The following PCDHA7 variants were observed in gnomAD, a reference collection of about 807,000 sequenced individuals.
PCDHA7 encodes protocadherin alpha-7.
PCDHA7 carries 37 observed loss-of-function variants against 57.2 expected under a neutral mutation model. The observed-to-expected ratio is 0.65, with a 90% CI of 0.50 to 0.85. PCDHA7 has a LOEUF of 0.85. PCDHA7 is among the 40% of genes least tolerant of loss of function. The pLI is 0.00. For missense variants in PCDHA7, 1,188 were observed against 1,241.8 expected (o/e 0.96, Z 0.65); for synonymous variants, 553 against 558.8 (o/e 0.99, Z 0.15).
At chr5:140,927,716 G>T (rs782756674) in intron 1 of PCDHA7, 1 of 1,614,190 alleles carries the variant, frequency 6.2e-7, no homozygotes, top group South Asian at 1.1e-5. Context: ...CTAAGCAACA[G>T]CACGCAAGCA....
In PCDHA7 at chr5:141,010,369, G is replaced by A. The variant is rs963959073; in HGVS notation, c.*432G>A. The A allele has an allele frequency of 1.8e-4, 270 of 1,474,338 alleles. No homozygotes were observed. The highest frequency in any genetic ancestry group is 7.1e-5 in the Non-Finnish European group (79 of 1,109,414). 91.3% of individuals were successfully genotyped at this position (1,474,338 alleles called of 1,614,324 possible). On this transcript the variant is annotated 3_prime_UTR_variant, in exon 4 of 4. Transcript: ENST00000525929. ...GTATGTGTGGCTACCGCGGGTATGCGAGTGCCAGATATTGGCTGAGACGAG... is the reference window on the plus strand; with the variant it reads ...GTATGTGTGGCTACCGCGGGTATGCAAGTGCCAGATATTGGCTGAGACGAG...
intron 1 of PCDHA7, chr5:140,868,490 A>G (rs1383994336): frequency 6.6e-6 from 1 of 152,330 alleles, no homozygotes; most frequent in African/African-American, 2.4e-5. Flanking sequence ...TTTTTCTTTG[A>G]GTTCCCTAGC....
At position 141,011,769 on chromosome 5, in the gene PCDHA7, A is replaced by C. The variant is rs2098421803; in HGVS notation, c.*1832A>C. 1 of 153,794 alleles carries C rather than the reference A, an allele frequency of 6.5e-6. No homozygotes were observed. The highest frequency in any genetic ancestry group is 1.5e-5 in the Non-Finnish European group (1 of 68,040). 9.5% of individuals were successfully genotyped at this position (153,794 alleles called of 1,614,324 possible). On this transcript the variant is annotated 3_prime_UTR_variant, in exon 4 of 4. Coordinates refer to ENST00000525929, the MANE Select transcript of PCDHA7 (RefSeq NM_018910.3). ...AATCTGACCTCTTTGAAGTTGCAGA[A>C]TGCTTTGAAATTCTAATGGTATCTG... is the stretch of plus-strand genomic sequence containing the variant.
Position 140,977,158 on chromosome 5 carries a change from A to G in PCDHA7, c.2356-1791A>G, listed in dbSNP as rs6862693. Among the ~76,000 whole-genome samples, 983 of 152,340 alleles carry G rather than the reference A, an allele frequency of 6.5e-3. 6 individuals carry two copies. The highest frequency in any genetic ancestry group is 0.023 in the African/African-American group (951 of 41,586). ...CAGTCCTGCTGGAACTGTGCCTTTC[A>G]GCAAAATGAGTTTGATGATTTCATT... On this transcript the variant is annotated intron_variant, in intron 1 of 3. Transcript: ENST00000525929.
At chr5:140,869,052 T>G in intron 1 of PCDHA7, 1 of 1,543,852 alleles carries the variant, frequency 6.5e-7, no homozygotes. Flanking sequence ...AACTGAAGAA[T>G]CTGGTACTGT....
At chr5:140,870,611 T>C in intron 1 of PCDHA7, 1 of 1,613,258 alleles carries the variant, frequency 6.2e-7, no homozygotes, top group Non-Finnish European at 8.5e-7. Flanking sequence ...GACCGCGCGC[T>C]GTCGAGCTAC....
chr5:140,912,380 G>T (rs2075901164), intron 1 of PCDHA7, among the ~76,000 whole-genome samples: 1 of 150,372 alleles, frequency 6.7e-6, no homozygotes, highest in African/African-American at 2.4e-5. Flanking sequence ...AAAAGGGATT[G>T]AGTTCTTAAT....
chr5:140,931,047 C>G (rs969815598), intron 1 of PCDHA7, among the ~76,000 whole-genome samples: 5 of 152,166 alleles, frequency 3.3e-5, no homozygotes, highest in African/African-American at 9.6e-5. Context: ...AGAAAAACTT[C>G]AATGCTGTGT....
chr5:141,007,481 T>C (rs2098332347), intron 3 of PCDHA7, among the ~76,000 whole-genome samples: 1 of 151,600 alleles, frequency 6.6e-6, no homozygotes, highest in Non-Finnish European at 1.5e-5. Context: ...GGCACGAGAA[T>C]TACTTGGACC....
chr5:140,946,611 A>AATATATATATATATATATATATAT (rs1554217734), intron 1 of PCDHA7, among the ~76,000 whole-genome samples: 1,222 of 86,096 alleles, frequency 0.014, 42 homozygotes, highest in African/African-American at 0.029. Context: ...GAAAATGTGA[A>AATATATATATATATATATATATAT]ATATATATAT....
At chr5:140,926,819 C>G in intron 1 of PCDHA7, 1 of 1,493,950 alleles carries the variant, frequency 6.7e-7, no homozygotes, top group Non-Finnish European at 8.9e-7. Context: ...CTCGTGCTCT[C>G]CAGGAGTCCG....
chr5:140,974,782 C>T (rs1211935245), intron 1 of PCDHA7, among the ~76,000 whole-genome samples: 11 of 152,150 alleles, frequency 7.2e-5, no homozygotes, highest in African/African-American at 2.7e-4. Context: ...GCCACTGCGC[C>T]CAGCCCTCAT....
chr5:140,856,141 C>T (rs782290263), intron 1 of PCDHA7: 3 of 1,598,260 alleles, frequency 1.9e-6, no homozygotes, highest in Middle Eastern at 1.7e-4. Context: ...GCCAGCTCCA[C>T]TACTCAGTCT....
intron 3 of PCDHA7, among the ~76,000 whole-genome samples, chr5:141,003,148 GA>G (rs1554258931): frequency 1.3e-5 from 2 of 152,188 alleles, no homozygotes; most frequent in African/African-American, 4.8e-5. Flanking sequence ...CAAAGACTCT[GA>G]CCTGATCAAT....
intron 1 of PCDHA7, among the ~76,000 whole-genome samples, chr5:140,960,384 A>G (rs1204813293): frequency 6.6e-6 from 1 of 152,198 alleles, no homozygotes. Flanking sequence ...GTGCCAAGAC[A>G]TTAGGATGCA....
intron 1 of PCDHA7, chr5:140,868,717 A>G (rs1420363814): frequency 5.3e-6 from 1 of 189,344 alleles, no homozygotes; most frequent in African/African-American, 2.4e-5. Context: ...AATAATTTAA[A>G]TTTGATGTTA....
chr5:140,997,575 C>T (rs565835201), intron 3 of PCDHA7, among the ~76,000 whole-genome samples: 5 of 151,884 alleles, frequency 3.3e-5, no homozygotes, highest in East Asian at 3.9e-4. Context: ...ATGTGTGGTC[C>T]GTTGTTGACT....
At chr5:140,947,907 C>T (rs2094191786) in intron 1 of PCDHA7, among the ~76,000 whole-genome samples, 1 of 151,546 alleles carries the variant, frequency 6.6e-6, no homozygotes, top group African/African-American at 2.4e-5. Context: ...TGAGAGCAGA[C>T]ATTCTTGCCT....
intron 1 of PCDHA7, chr5:140,882,302 C>T (rs2059055627): frequency 1.2e-6 from 2 of 1,613,794 alleles, no homozygotes; most frequent in Non-Finnish European, 8.5e-7. Context: ...CCCAAGACCG[C>T]GGCAACTACT....
Sources: allele counts gnomAD v4.1 joint callset (sites outside exome capture counted in the v4.1 genomes callset), GRCh38; gene constraint gnomAD v4.1.1; transcripts MANE v1.5; gene names NCBI Gene and HGNC (gene_info 2026-07-23, HGNC 2026-07-21).